The following VTA1 variants were observed in gnomAD, a reference collection of about 807,000 sequenced individuals.
The protein encoded by VTA1 is vesicle trafficking 1.
In VTA1, 24 loss-of-function variants were observed where a neutral mutation model predicts 36.9. The ratio of observed to expected loss-of-function variants is 0.65; its 90% CI spans 0.47 to 0.91. VTA1 has a LOEUF of 0.91. Among genes scored for constraint, VTA1 ranks in the 40% least tolerant of loss-of-function variants. The pLI, the probability that VTA1 is intolerant of heterozygous loss-of-function variation, is 0.00. For missense variants in VTA1, 393 were observed against 377.2 expected (o/e 1.04, Z -0.35); for synonymous variants, 142 against 130.2 (o/e 1.09, Z -0.62).
At chr6:142,208,085 CAAAA>C (rs567010868) in intron 7 of VTA1, among the ~76,000 whole-genome samples, 1,889 of 99,470 alleles carry the variant, frequency 0.019, 43 homozygotes, top group African/African-American at 0.067. Context: ...AGACTTCCAT[CAAAA>C]AAAAAAAAAA....
Position 142,147,406 on chromosome 6 carries a change from C to T in VTA1, c.112+7C>T, listed in dbSNP as rs766860628. 2 of 1,613,000 alleles carry T rather than the reference C, an allele frequency of 1.2e-6. No individual in the cohort carries two copies. The highest frequency in any genetic ancestry group is 8.5e-7 in the Non-Finnish European group (1 of 1,179,360). On this transcript the variant is annotated splice_region_variant and intron_variant, in intron 1 of 7. Coordinates refer to ENST00000367630, the MANE Select transcript of VTA1 (RefSeq NM_016485.5). ...CCTGTGGTGGCTTATTACTGTGAGT[C>T]TTTCCGAGTGGCCGCGCCCTTTCTT... is the stretch of plus-strand genomic sequence containing the variant.
chr6:142,193,146 C>T (rs1199700006), intron 5 of VTA1, among the ~76,000 whole-genome samples: 1 of 152,078 alleles, frequency 6.6e-6, no homozygotes, highest in Non-Finnish European at 1.5e-5. Flanking sequence ...TGCCTTGATG[C>T]TTTTGAAAAG....
At chr6:142,168,188 A>G (rs1774957897) in intron 2 of VTA1, among the ~76,000 whole-genome samples, 1 of 152,216 alleles carries the variant, frequency 6.6e-6, no homozygotes, top group African/African-American at 2.4e-5. Context: ...TACTCTCACT[A>G]AAATTGTTCT....
At chr6:142,198,202 T>C (rs958866999) in intron 5 of VTA1, among the ~76,000 whole-genome samples, 6 of 151,136 alleles carry the variant, frequency 4.0e-5, no homozygotes, top group African/African-American at 1.5e-4. Context: ...AAAGATTTTA[T>C]AGAATTAAAA....
chr6:142,185,709 C>A (rs1775327240), intron 4 of VTA1, among the ~76,000 whole-genome samples: 1 of 152,140 alleles, frequency 6.6e-6, no homozygotes, highest in Non-Finnish European at 1.5e-5. Context: ...TTTCTGTAGG[C>A]CTAAAACACT....
intron 4 of VTA1, among the ~76,000 whole-genome samples, chr6:142,188,601 G>A (rs1330123231): frequency 6.6e-6 from 1 of 152,176 alleles, no homozygotes; most frequent in Non-Finnish European, 1.5e-5. Flanking sequence ...GCTGGCACTT[G>A]TAGATCAGGT....
chr6:142,209,461 AATAT>A (rs1317297070), intron 7 of VTA1, among the ~76,000 whole-genome samples: 2 of 151,432 alleles, frequency 1.3e-5, no homozygotes, highest in Non-Finnish European at 2.9e-5. Context: ...AATACAAAAA[AATAT>A]AAAATACCTG....
At chr6:142,208,065 G>C (rs1165477066) in intron 7 of VTA1, among the ~76,000 whole-genome samples, 1 of 143,924 alleles carries the variant, frequency 6.9e-6, no homozygotes, top group Non-Finnish European at 1.5e-5. Context: ...CTCCAGCCTG[G>C]GTGACAGTGA....
chr6:142,207,929 C>CA (rs986083517), intron 7 of VTA1, among the ~76,000 whole-genome samples: 8 of 151,180 alleles, frequency 5.3e-5, no homozygotes, highest in Admixed American at 1.3e-4. Flanking sequence ...ACTGAAAATA[C>CA]AAAAAAAATT....
In VTA1 at chr6:142,147,298, T is replaced by A. The variant is rs146934142; in HGVS notation, c.11T>A (p.Leu4His). Residue 4 changes from leucine (L) to histidine (H), a missense_variant, in exon 1 of 8, where the codon CTT (leucine) becomes CAT (histidine). Coordinates refer to ENST00000367630, the MANE Select transcript of VTA1 (RefSeq NM_016485.5). MAA[L>H]APLPPLPAQF... ...GAGTTCGGAGTAGAGATGGCCGCGC[T>A]TGCACCGCTGCCCCCGCTCCCCGCA... 1 of 1,614,158 alleles carries A rather than the reference T, an allele frequency of 6.2e-7. No homozygotes were observed. Among genetic ancestry groups the A allele is most frequent in the Admixed American group, 1.7e-5 (1 of 60,028 alleles).
intron 1 of VTA1, among the ~76,000 whole-genome samples, chr6:142,165,703 T>C (rs1041481413): frequency 4.6e-5 from 7 of 152,206 alleles, no homozygotes; most frequent in African/African-American, 1.7e-4. Context: ...GTGACAGCTA[T>C]TTAGGTTTAG....
At chr6:142,149,300 T>G (rs2114624732) in intron 1 of VTA1, among the ~76,000 whole-genome samples, 1 of 152,340 alleles carries the variant, frequency 6.6e-6, no homozygotes, top group East Asian at 1.9e-4. Flanking sequence ...CAGGTGACAC[T>G]TAACAATTTT....
intron 4 of VTA1, among the ~76,000 whole-genome samples, chr6:142,174,580 A>G (rs1399392987): frequency 6.6e-6 from 1 of 152,090 alleles, no homozygotes; most frequent in South Asian, 2.1e-4. Context: ...GGGAAGGGAT[A>G]ATTATATTTT....
intron 6 of VTA1, among the ~76,000 whole-genome samples, chr6:142,201,605 ATATAAT>A (rs529341568): frequency 6.6e-6 from 1 of 152,058 alleles, no homozygotes; most frequent in African/African-American, 2.4e-5. Flanking sequence ...AGATTAAATA[ATATAAT>A]TATTTTATGA....
chr6:142,178,392 A>C (rs1024962299), intron 4 of VTA1, among the ~76,000 whole-genome samples: 1 of 152,170 alleles, frequency 6.6e-6, no homozygotes, highest in Non-Finnish European at 1.5e-5. Flanking sequence ...TTTTAAAAAA[A>C]CATTTTTAGG....
chr6:142,154,440 A>G (rs909808620), intron 1 of VTA1, among the ~76,000 whole-genome samples: 2 of 152,106 alleles, frequency 1.3e-5, no homozygotes, highest in Non-Finnish European at 2.9e-5. Flanking sequence ...AATCACGTAT[A>G]GTTTTTGTGT....
intron 1 of VTA1, among the ~76,000 whole-genome samples, chr6:142,148,028 G>A (rs1428041899): frequency 1.3e-5 from 2 of 152,142 alleles, no homozygotes. Context: ...GTTATACGTT[G>A]AATTTACAGT....
At chr6:142,163,669 G>A (rs1391008342) in intron 1 of VTA1, among the ~76,000 whole-genome samples, 2 of 152,090 alleles carry the variant, frequency 1.3e-5, no homozygotes, top group East Asian at 1.9e-4. Context: ...GTGGTTCCAC[G>A]AGATTTTGGT....
Position 142,204,073 on chromosome 6 carries a change from A to T in VTA1, c.778+8A>T. On this transcript the variant is annotated splice_region_variant and intron_variant, in intron 7 of 7. Transcript: ENST00000367630. Reference sequence around the variant, plus strand: ...TCAATACAATTTCCCAGGGTAAGTCAGCTGACTATTTTGTGAGATACATTT... The same window carrying T: ...TCAATACAATTTCCCAGGGTAAGTCTGCTGACTATTTTGTGAGATACATTT... The T allele has an allele frequency of 1.2e-6, 2 of 1,612,322 alleles. No homozygotes were observed. The highest frequency in any genetic ancestry group is 1.1e-5 in the South Asian group (1 of 91,064).
Sources: gnomAD v4.1 joint callset for allele counts (sites outside exome capture counted in the v4.1 genomes callset) on GRCh38, gnomAD v4.1.1 for gene constraint, MANE v1.5 for transcripts, NCBI Gene and HGNC (gene_info 2026-07-23, HGNC 2026-07-21) for gene names.